FGFR2: variants seen among roughly 807,000 people sequenced by gnomAD.
The protein encoded by FGFR2 is BEK fibroblast growth factor receptor.
A neutral mutation model predicts 95.9 loss-of-function variants in FGFR2; 19 were observed. The observed-to-expected ratio is 0.20, with a 90% CI of 0.14 to 0.29. The LOEUF is 0.29. FGFR2 is among the 10% of genes least tolerant of loss of function. The pLI is 1.00. For synonymous variants in FGFR2, 392 were observed against 393.3 expected (o/e 1.00, Z 0.04); for missense variants, 707 against 1,056.9 (o/e 0.67, Z 4.59).
chr10:121,558,663 A>G (rs973139458), intron 4 of FGFR2, among the ~76,000 whole-genome samples: 6 of 146,670 alleles, frequency 4.1e-5, no homozygotes, highest in African/African-American at 1.3e-4. Context: ...GCTGGGGTGC[A>G]GTGGCACAAT....
At chr10:121,553,305 A>G (rs1855665525) in intron 4 of FGFR2, among the ~76,000 whole-genome samples, 1 of 152,190 alleles carries the variant, frequency 6.6e-6, no homozygotes, top group Admixed American at 6.5e-5. Flanking sequence ...CTTTGAATCC[A>G]GTTGCATTTG....
intron 10 of FGFR2, 42 bp downstream of exon 10, chr10:121,503,748 G>A: frequency 6.2e-7 from 1 of 1,611,470 alleles, no homozygotes; most frequent in African/African-American, 1.3e-5. Flanking sequence ...CCCATTTATA[G>A]CTGAGTCTCC....
chr10:121,575,028 G>A (rs887440945), intron 2 of FGFR2, among the ~76,000 whole-genome samples: 4 of 152,156 alleles, frequency 2.6e-5, no homozygotes, highest in Non-Finnish European at 4.4e-5. Flanking sequence ...CCTCTGCAGC[G>A]GTAGCTGGAT....
At chr10:121,496,863 C>T (rs1846907109) in intron 12 of FGFR2, 141 bp from the exon 13 acceptor site, 2 of 743,682 alleles carry the variant, frequency 2.7e-6, no homozygotes, top group South Asian at 1.7e-5. Context: ...GGGCGTGGTG[C>T]CTCATATCTG....
At position 121,479,517 on chromosome 10, in the gene FGFR2, C is replaced by T. The variant is rs974946768; in HGVS notation, c.*340G>A. The stretch of plus-strand genomic sequence containing the variant: ...TTTGTGCTCTGTAAGTGTGTGCTGA[C>T]ATAAATCTTCTCCAATTATTACAAA... On this transcript the variant is annotated 3_prime_UTR_variant, in exon 18 of 18. Transcript: ENST00000358487. 44 of 1,370,280 alleles carry T rather than the reference C, an allele frequency of 3.2e-5. No homozygotes were observed. The highest frequency in any genetic ancestry group is 4.2e-5 in the Non-Finnish European group (42 of 994,898). 84.9% of individuals were successfully genotyped at this position (1,370,280 alleles called of 1,614,324 possible). A position where few individuals can be genotyped will look rare whatever the true frequency, so the allele number is the denominator to read the frequency against.
chr10:121,576,118 T>C (rs1590058147), intron 2 of FGFR2, among the ~76,000 whole-genome samples: 1 of 150,800 alleles, frequency 6.6e-6, no homozygotes, highest in East Asian at 2.0e-4. Flanking sequence ...ACCTGGGCGG[T>C]GGAGGTTGCC....
chr10:121,515,461 A>G lies in FGFR2; in HGVS notation c.1085-142T>C, dbSNP rs1012785281. ...AGGTGGGCTTCCCAAAAACTCCCAA[A>G]TGAAAATGAATAACCAGGGGTCCAT... On this transcript the variant is annotated intron_variant, in intron 8 of 17. Coordinates refer to ENST00000358487, the MANE Select transcript of FGFR2 (RefSeq NM_000141.5). The G allele has an allele frequency of 2.0e-5, 16 of 789,622 alleles. No individual in the cohort carries two copies. The African/African-American group carries it at 2.6e-4, about 13-fold the overall frequency. 48.9% of individuals were successfully genotyped at this position (789,622 alleles called of 1,614,324 possible).
At chr10:121,580,170 G>C (rs1397420711) in intron 2 of FGFR2, among the ~76,000 whole-genome samples, 3 of 152,148 alleles carry the variant, frequency 2.0e-5, no homozygotes, top group Non-Finnish European at 4.4e-5. Context: ...CAAAAGAAAA[G>C]GGAAGGTTAA....
chr10:121,546,078 GAGGTGGTCTATTAATTATCTC>G (rs763089695), intron 5 of FGFR2, among the ~76,000 whole-genome samples: 7 of 151,612 alleles, frequency 4.6e-5, no homozygotes, highest in Non-Finnish European at 7.4e-5. Flanking sequence ...GGTGAGAATT[GAGGTGGTCTATTAATTATCTC>G]AGCCAGCTTC....
intron 2 of FGFR2, among the ~76,000 whole-genome samples, chr10:121,570,070 GCCC>G (rs1858379324): frequency 6.6e-6 from 1 of 152,210 alleles, no homozygotes; most frequent in African/African-American, 2.4e-5. Flanking sequence ...CCACCCAGTG[GCCC>G]CCCAAGCCCA....
chr10:121,590,094 C>T (rs1053948481), intron 2 of FGFR2, among the ~76,000 whole-genome samples: 24 of 152,078 alleles, frequency 1.6e-4, no homozygotes, highest in African/African-American at 3.1e-4. Context: ...GACCAACTCA[C>T]GTTGGTCCAG....
chr10:121,516,907 C>T (rs1475557509), intron 8 of FGFR2, among the ~76,000 whole-genome samples: 2 of 152,100 alleles, frequency 1.3e-5, no homozygotes, highest in Non-Finnish European at 1.5e-5. Context: ...ATTTACATCT[C>T]GTTAAAAATA....
chr10:121,582,650 G>A (rs372190548), intron 2 of FGFR2, among the ~76,000 whole-genome samples: 3 of 152,130 alleles, frequency 2.0e-5, no homozygotes, highest in Non-Finnish European at 4.4e-5. Context: ...GGGCGTGGTG[G>A]TGCACATCTG....
At chr10:121,596,598 C>G (rs1240471448) in intron 1 of FGFR2, 2 of 203,354 alleles carry the variant, frequency 9.8e-6, no homozygotes, top group East Asian at 7.5e-5. Context: ...TGAGTAGGAG[C>G]GGGAGCTGTC....
At chr10:121,594,023 G>C (rs1863081797) in intron 1 of FGFR2, 56 bp from the exon 2 acceptor site, 2 of 646,742 alleles carry the variant, frequency 3.1e-6, no homozygotes, top group Admixed American at 4.8e-5. Flanking sequence ...AATCACTCCA[G>C]CCCAAGTGGG....
At chr10:121,568,064 T>A (rs1033081714) in intron 2 of FGFR2, among the ~76,000 whole-genome samples, 14 of 152,254 alleles carry the variant, frequency 9.2e-5, no homozygotes, top group African/African-American at 3.4e-4. Context: ...ATTGAGTGAC[T>A]AATAGAAATA....
At chr10:121,482,989 G>T (rs919648180) in intron 17 of FGFR2, among the ~76,000 whole-genome samples, 2 of 152,064 alleles carry the variant, frequency 1.3e-5, no homozygotes, top group African/African-American at 4.8e-5. Context: ...TAGAGACAGG[G>T]TTTCGCCATG....
In FGFR2 at chr10:121,518,194, A is replaced by C. The variant is rs1247527650; in HGVS notation, c.940-731T>G. On this transcript the variant is annotated intron_variant, in intron 7 of 17. Transcript: ENST00000358487. The surrounding 1 kb of genome is among the most constrained non-coding windows in gnomAD (Gnocchi z 4.0). ...ATGAGCTCCCCTCAAATTTGGTGCA[A>C]CAAGGTCAAGAACAGCAACTCATAA... The C allele has an allele frequency of 6.5e-6, 2 of 308,044 alleles. No individual in the cohort carries two copies. The highest frequency in any genetic ancestry group is 2.2e-5 in the African/African-American group (1 of 45,300). 19.1% of individuals were successfully genotyped at this position (308,044 alleles called of 1,614,324 possible). A position where few individuals can be genotyped will look rare whatever the true frequency, so the allele number is the denominator to read the frequency against.
intron 6 of FGFR2, among the ~76,000 whole-genome samples, chr10:121,532,603 G>A (rs1025017358): frequency 5.9e-5 from 9 of 152,148 alleles, no homozygotes; most frequent in African/African-American, 2.2e-4. Context: ...GGACTCCGCC[G>A]TGCCTCCGTC....
Sources: allele counts gnomAD v4.1 joint callset (sites outside exome capture counted in the v4.1 genomes callset), GRCh38; gene constraint gnomAD v4.1.1; non-coding constraint Gnocchi (gnomAD v3.1); transcripts MANE v1.5; gene names NCBI Gene and HGNC (gene_info 2026-07-23, HGNC 2026-07-21).